PRKAG2: variants seen among roughly 807,000 people sequenced by gnomAD.
PRKAG2 encodes 5'-AMP-activated protein kinase subunit gamma-2.
Under a neutral mutation model 69.6 loss-of-function variants are expected in PRKAG2, and 26 were observed. That is an observed-to-expected ratio of 0.37 (90% CI 0.27 to 0.52). PRKAG2 has a LOEUF of 0.52. PRKAG2 is among the 20% of genes least tolerant of loss of function. The probability of loss-of-function intolerance (pLI) is 0.90; values close to 1 mark genes in which losing one functional copy is unlikely to be tolerated. For missense variants in PRKAG2, 557 were observed against 740.0 expected (o/e 0.75, Z 2.87); for synonymous variants, 293 against 285.0 (o/e 1.03, Z -0.28).
chr7:151,800,670 G>A (rs1424558513), intron 1 of PRKAG2, among the ~76,000 whole-genome samples: 2 of 152,232 alleles, frequency 1.3e-5, no homozygotes, highest in Admixed American at 6.5e-5. Context: ...GCTTGGGTGA[G>A]GGAGGGAGGG....
intron 3 of PRKAG2, among the ~76,000 whole-genome samples, chr7:151,746,380 T>C (rs2074284468): frequency 6.6e-6 from 1 of 152,200 alleles, no homozygotes; most frequent in Non-Finnish European, 1.5e-5. Context: ...GGTAGAAAGG[T>C]TTAAAACACT....
intron 6 of PRKAG2, among the ~76,000 whole-genome samples, chr7:151,578,913 A>C (rs1210488691): frequency 6.6e-6 from 1 of 152,212 alleles, no homozygotes; most frequent in Non-Finnish European, 1.5e-5. Flanking sequence ...GTCGCATGTA[A>C]ATAGATTTTA....
At chr7:151,576,556 A>C in intron 6 of PRKAG2, 104 bp from the exon 7 acceptor site, 1 of 1,009,660 alleles carries the variant, frequency 9.9e-7, no homozygotes, top group Non-Finnish European at 1.5e-6. Context: ...GCTGGAGTGC[A>C]GTGGCACCAT....
At chr7:151,847,269 TC>T (rs2079454631) in intron 1 of PRKAG2, among the ~76,000 whole-genome samples, 1 of 152,168 alleles carries the variant, frequency 6.6e-6, no homozygotes, top group Admixed American at 6.5e-5. Flanking sequence ...TGAAGAATAT[TC>T]CTCTTGGCCA....
At chr7:151,746,754 C>G (rs1258291614) in intron 3 of PRKAG2, among the ~76,000 whole-genome samples, 1 of 152,174 alleles carries the variant, frequency 6.6e-6, no homozygotes, top group Non-Finnish European at 1.5e-5. Flanking sequence ...GAGGCTGTGG[C>G]CGGAGCCTGG....
chr7:151,808,468 C>A (rs747045765), intron 1 of PRKAG2, among the ~76,000 whole-genome samples: 1 of 152,006 alleles, frequency 6.6e-6, no homozygotes, highest in Non-Finnish European at 1.5e-5. Context: ...AACAGGAGGC[C>A]TCTCTCCTGC....
At chr7:151,716,073 AGAG>A (rs1423149397) in intron 3 of PRKAG2, among the ~76,000 whole-genome samples, 1 of 152,186 alleles carries the variant, frequency 6.6e-6, no homozygotes, top group African/African-American at 2.4e-5. Context: ...GGGGTTGAGC[AGAG>A]GACACACAGG....
chr7:151,740,798 G>T (rs2073827865), intron 3 of PRKAG2, among the ~76,000 whole-genome samples: 1 of 152,194 alleles, frequency 6.6e-6, no homozygotes, highest in African/African-American at 2.4e-5. Flanking sequence ...GGGTTGGAGG[G>T]TGTGAAGAAG....
chr7:151,836,149 C>T lies in PRKAG2; in HGVS notation c.114+40358G>A, dbSNP rs919641874. On this transcript the variant is annotated intron_variant, in intron 1 of 15. Transcript: ENST00000287878. The surrounding 1 kb of genome is among the most constrained non-coding windows in gnomAD (Gnocchi z 4.1). ...CCATATCCTGAGTTTTGTCTTCGGCCGTGTCTTTGGAGCATTCCTTCCCCT... is the reference window on the plus strand; with the variant it reads ...CCATATCCTGAGTTTTGTCTTCGGCTGTGTCTTTGGAGCATTCCTTCCCCT... Among the ~76,000 whole-genome samples, 2 of 152,150 alleles carry T rather than the reference C, an allele frequency of 1.3e-5. No individual in the cohort carries two copies. The highest frequency in any genetic ancestry group is 6.5e-5 in the Admixed American group (1 of 15,280).
At chr7:151,808,184 G>T (rs2078220803) in intron 1 of PRKAG2, among the ~76,000 whole-genome samples, 1 of 152,194 alleles carries the variant, frequency 6.6e-6, no homozygotes, top group African/African-American at 2.4e-5. Context: ...GTGATGCTCG[G>T]GTTGATTTCA....
At chr7:151,671,324 C>G (rs561534658) in intron 4 of PRKAG2, among the ~76,000 whole-genome samples, 51 of 151,762 alleles carry the variant, frequency 3.4e-4, no homozygotes, top group Non-Finnish European at 4.6e-4. Flanking sequence ...CTTTTTATTA[C>G]AAAAGGCAGA....
chr7:151,604,775 G>A (rs1243037354), intron 5 of PRKAG2, among the ~76,000 whole-genome samples: 1 of 152,078 alleles, frequency 6.6e-6, no homozygotes, highest in African/African-American at 2.4e-5. Context: ...CATGATGGTC[G>A]GGAGCATCTC....
At position 151,614,122 on chromosome 7, in the gene PRKAG2, C is replaced by T. The variant is rs750419304; in HGVS notation, c.754+17947G>A. 1.5e-4 allele frequency among the ~76,000 whole-genome samples: 23 copies of T among 152,288 alleles called. No homozygotes were observed. Among genetic ancestry groups the T allele is most frequent in the Non-Finnish European group, 2.6e-4 (18 of 68,016 alleles). Reference sequence around the variant, plus strand: ...CACTGGAGCCGACCAGGAGGTGCCCCGTTCCCACGGCTATGCTGAGCGCCC... The same window carrying T: ...CACTGGAGCCGACCAGGAGGTGCCCTGTTCCCACGGCTATGCTGAGCGCCC... On this transcript the variant is annotated intron_variant, in intron 5 of 15. Coordinates refer to ENST00000287878, the MANE Select transcript of PRKAG2 (RefSeq NM_016203.4). The surrounding 1 kb of genome is among the most constrained non-coding windows in gnomAD (Gnocchi z 4.4).
At chr7:151,762,027 C>G (rs1384716468) in intron 3 of PRKAG2, among the ~76,000 whole-genome samples, 5 of 152,254 alleles carry the variant, frequency 3.3e-5, no homozygotes, top group Non-Finnish European at 5.9e-5. Flanking sequence ...CCAACTGCAG[C>G]TCATGGCCTG....
intron 1 of PRKAG2, among the ~76,000 whole-genome samples, chr7:151,829,576 G>A (rs1205105599): frequency 6.6e-6 from 1 of 151,936 alleles, no homozygotes; most frequent in African/African-American, 2.4e-5. Flanking sequence ...GTACACAAAT[G>A]TTTGTAGCAG....
At chr7:151,745,506 C>T (rs1450137391) in intron 3 of PRKAG2, among the ~76,000 whole-genome samples, 1 of 152,098 alleles carries the variant, frequency 6.6e-6, no homozygotes, top group Non-Finnish European at 1.5e-5. Flanking sequence ...CACGTCAGCC[C>T]GACACACTCA....
chr7:151,710,006 C>T (rs2151601062), intron 3 of PRKAG2, among the ~76,000 whole-genome samples: 1 of 152,274 alleles, frequency 6.6e-6, no homozygotes, highest in East Asian at 1.9e-4. Flanking sequence ...AAAGCATTTA[C>T]AGTAGAGCCC....
At chr7:151,684,729 C>T (rs1563423066) in intron 3 of PRKAG2, among the ~76,000 whole-genome samples, 1 of 152,132 alleles carries the variant, frequency 6.6e-6, no homozygotes, top group African/African-American at 2.4e-5. Context: ...CCCCTCCACA[C>T]AGGCTCAGTG....
At chr7:151,677,918 C>A (rs1833212088) in intron 3 of PRKAG2, among the ~76,000 whole-genome samples, 1 of 152,196 alleles carries the variant, frequency 6.6e-6, no homozygotes, top group African/African-American at 2.4e-5. Flanking sequence ...GTTCATTGCT[C>A]AGTCAAACTC....
Sources: gnomAD v4.1 joint callset for allele counts (sites outside exome capture counted in the v4.1 genomes callset) on GRCh38, gnomAD v4.1.1 for gene constraint, Gnocchi (gnomAD v3.1) non-coding constraint, MANE v1.5 for transcripts, NCBI Gene and HGNC (gene_info 2026-07-23, HGNC 2026-07-21) for gene names.